Variants in GATAD1 observed in about 807,000 individuals in gnomAD.
GATAD1 encodes the protein GATA zinc finger domain-containing protein 1.
A neutral mutation model predicts 26.5 loss-of-function variants in GATAD1; 12 were observed. That is an observed-to-expected ratio of 0.45 (90% CI 0.29 to 0.73). The LOEUF is 0.73. Among genes scored for constraint, GATAD1 ranks in the 30% least tolerant of loss-of-function variants. The pLI is 0.10. For synonymous variants in GATAD1, 129 were observed against 133.1 expected, an observed-to-expected ratio of 0.97 and a Z score of 0.21; for missense variants, 266 against 342.1, an observed-to-expected ratio of 0.78 and a Z score of 1.75.
intron 3 of GATAD1, 79 bp from the exon 4 acceptor site, chr7:92,454,423 G>A (rs931176011): frequency 4.7e-6 from 5 of 1,059,772 alleles, no homozygotes; most frequent in Non-Finnish European, 7.3e-6. Flanking sequence ...TTGAAAACTT[G>A]CTTACCTATT....
chr7:92,485,651 T>G, the GATAD1 span, among the ~76,000 whole-genome samples: 1 of 152,232 alleles, frequency 6.6e-6, no homozygotes, highest in Non-Finnish European at 1.5e-5. Flanking sequence ...AGACCCAGAA[T>G]TCCACTGTGA....
chr7:92,493,168 A>ATTTT, the GATAD1 span: 110 of 1,121,334 alleles, frequency 9.8e-5, 1 homozygote, highest in East Asian at 2.2e-3. Flanking sequence ...TAAAAAATAA[A>ATTTT]ATTAAAAATA....
At chr7:92,470,232 T>TG in the GATAD1 span, 1 of 778,674 alleles carries the variant, frequency 1.3e-6, no homozygotes, top group South Asian at 1.3e-5. Context: ...TCCTATACGA[T>TG]GGGGCATCAA....
chr7:92,447,849 C>A lies in GATAD1; in HGVS notation c.120C>A (p.Gly40=). The A allele has an allele frequency of 1.4e-6, 2 of 1,387,926 alleles. No homozygotes were observed. Among genetic ancestry groups the A allele is most frequent in the Non-Finnish European group, 9.4e-7 (1 of 1,066,534 alleles). The allele number at this position is 1,387,926 out of a possible 1,614,324, so 86.0% of individuals were successfully genotyped here. A position where few individuals can be genotyped will look rare whatever the true frequency, so the allele number is the denominator to read the frequency against. ...CHHCTGRGGA[G]SGGAGSGAAG... ...ATTGCACTGGCCGGGGCGGCGCGGG[C>A]AGCGGGGGCGCAGGCTCGGGGGCGG... is the stretch of plus-strand genomic sequence containing the variant. Residue 40 remains glycine, a synonymous_variant, in exon 1 of 5, where the codon GGC becomes GGA. Coordinates refer to ENST00000287957, the MANE Select transcript of GATAD1 (RefSeq NM_021167.5).
the GATAD1 span, chr7:92,470,911 T>C: frequency 6.0e-6 from 1 of 167,436 alleles, no homozygotes; most frequent in East Asian, 1.9e-4. Flanking sequence ...GTTTCCTGGG[T>C]TTGCTTTTTT....
At chr7:92,494,264 GTTTTGGACTCTAAATATGA>G in the GATAD1 span, 4 of 1,511,886 alleles carry the variant, frequency 2.6e-6, no homozygotes, top group Non-Finnish European at 3.7e-6. Flanking sequence ...CATTTGTTGG[GTTTTGGACTCTAAATATGA>G]AATTGTCACC....
chr7:92,482,825 G>A, the GATAD1 span, among the ~76,000 whole-genome samples: 1 of 152,144 alleles, frequency 6.6e-6, no homozygotes, highest in Non-Finnish European at 1.5e-5. Flanking sequence ...TGTCCAAGTT[G>A]GCACCAGAGT....
Position 92,458,669 on chromosome 7 carries a change from C to A in GATAD1, c.*2107C>A, listed in dbSNP as rs1249481634. 2 of 152,118 alleles carry A rather than the reference C, an allele frequency of 1.3e-5. No individual in the cohort carries two copies. The highest frequency in any genetic ancestry group is 4.8e-5 in the African/African-American group (2 of 41,428). 9.4% of individuals were successfully genotyped at this position (152,118 alleles called of 1,614,324 possible). ...AGCTGCAGCAGCTTTAACTCTTACC[C>A]TTTTTCCACATAGTTATGGTGTTTG... On this transcript the variant is annotated 3_prime_UTR_variant, in exon 5 of 5. Transcript: ENST00000287957.
the GATAD1 span, among the ~76,000 whole-genome samples, chr7:92,466,739 G>A: frequency 2.6e-5 from 4 of 152,312 alleles, no homozygotes; most frequent in East Asian, 7.7e-4. Flanking sequence ...GAACTTGACA[G>A]CACCACTGGT....
At chr7:92,476,286 T>C in the GATAD1 span, among the ~76,000 whole-genome samples, 1 of 152,240 alleles carries the variant, frequency 6.6e-6, no homozygotes, top group African/African-American at 2.4e-5. Context: ...TGAGGTGTGC[T>C]CACAATGAGG....
At chr7:92,474,566 G>A in the GATAD1 span, 4 of 152,248 alleles carry the variant, frequency 2.6e-5, no homozygotes, top group Non-Finnish European at 5.9e-5. Context: ...GGAACTGCCT[G>A]CTGGCCTGTG....
At chr7:92,476,300 C>G in the GATAD1 span, among the ~76,000 whole-genome samples, 3 of 152,152 alleles carry the variant, frequency 2.0e-5, no homozygotes, top group Admixed American at 1.3e-4. Flanking sequence ...AATGAGGTTT[C>G]CTCTAAAAGT....
the GATAD1 span, among the ~76,000 whole-genome samples, chr7:92,479,333 A>T: frequency 1.3e-5 from 2 of 151,602 alleles, no homozygotes; most frequent in African/African-American, 4.8e-5. Context: ...ATTTTATAGG[A>T]TTTGGGTGGG....
chr7:92,480,224 G>C, the GATAD1 span, among the ~76,000 whole-genome samples: 143 of 152,196 alleles, frequency 9.4e-4, 4 homozygotes, highest in East Asian at 0.026. Context: ...AAGGAATTAT[G>C]TCTGACAGAA....
the GATAD1 span, among the ~76,000 whole-genome samples, chr7:92,486,230 G>GTTGA: frequency 1.3e-5 from 2 of 152,182 alleles, no homozygotes; most frequent in African/African-American, 2.4e-5. Flanking sequence ...CTGACGGCAG[G>GTTGA]TTGATTACAT....
At chr7:92,448,494 C>G (rs1049589314) in intron 1 of GATAD1, among the ~76,000 whole-genome samples, 1 of 152,132 alleles carries the variant, frequency 6.6e-6, no homozygotes, top group Non-Finnish European at 1.5e-5. Context: ...GCCTCCTGCC[C>G]TATTACAAGC....
At chr7:92,476,042 A>G in the GATAD1 span, among the ~76,000 whole-genome samples, 233 of 152,216 alleles carry the variant, frequency 1.5e-3, 1 homozygote, top group African/African-American at 5.2e-3. Flanking sequence ...TTTTTCCTCA[A>G]TCACCTGGGA....
the GATAD1 span, among the ~76,000 whole-genome samples, chr7:92,484,972 AT>A: frequency 7.2e-6 from 1 of 139,106 alleles, no homozygotes; most frequent in African/African-American, 2.7e-5. Context: ...GGGTGGGGCC[AT>A]TTTATAGGAT....
rs966013037 is a variant in GATAD1, at chr7:92,459,618, A to T, written c.*3056A>T. On this transcript the variant is annotated 3_prime_UTR_variant, in exon 5 of 5. Coordinates refer to ENST00000287957, the MANE Select transcript of GATAD1 (RefSeq NM_021167.5). ...TTCTACCTTCCAAAGGCCTTTCTTA[A>T]CACCTTCGGATTCTTTCTTTGAGAA... is the stretch of plus-strand genomic sequence containing the variant. 2.0e-5 allele frequency among the ~76,000 whole-genome samples: 3 copies of T among 152,254 alleles called. No homozygotes were observed. Among genetic ancestry groups the T allele is most frequent in the African/African-American group, 7.2e-5 (3 of 41,552 alleles).
Sources: gnomAD v4.1 joint callset for allele counts (sites outside exome capture counted in the v4.1 genomes callset) on GRCh38, gnomAD v4.1.1 for gene constraint, MANE v1.5 for transcripts, NCBI Gene and HGNC (gene_info 2026-07-23, HGNC 2026-07-21) for gene names.